The following ARHGEF37 variants were observed in gnomAD, a reference collection of about 807,000 sequenced individuals.
ARHGEF37 encodes the protein Rho guanine nucleotide exchange factor 37.
A neutral mutation model predicts 71.1 loss-of-function variants in ARHGEF37; 55 were observed. That is an observed-to-expected ratio of 0.77 (90% CI 0.62 to 0.97). The LOEUF (loss-of-function observed/expected upper bound fraction) is 0.97, where lower values mean the gene tolerates loss of function less well. ARHGEF37 is among the 50% of genes least tolerant of loss of function. The probability of loss-of-function intolerance (pLI) is 0.00; values close to 1 mark genes in which losing one functional copy is unlikely to be tolerated. For missense variants in ARHGEF37, 765 were observed against 836.8 expected, an observed-to-expected ratio of 0.91 and a Z score of 1.06; for synonymous variants, 327 against 350.6, an observed-to-expected ratio of 0.93 and a Z score of 0.75.
At chr5:149,577,365 A>C (rs1763038881), upstream of ARHGEF37, among the ~76,000 whole-genome samples, 1 of 152,198 alleles carries the variant, frequency 6.6e-6, no homozygotes, top group Admixed American at 6.5e-5. Flanking sequence ...CTGAGACTCT[A>C]AAAGAGGTAG....
At chr5:149,556,542 C>T (rs185341405) in intron 1 of ARHGEF37, among the ~76,000 whole-genome samples, 8 of 152,254 alleles carry the variant, frequency 5.3e-5, no homozygotes, top group Admixed American at 5.2e-4. Context: ...CATGTGCCAC[C>T]ACACCCAGCT....
chr5:149,623,207 G>C (rs1752592033), intron 9 of ARHGEF37, among the ~76,000 whole-genome samples: 1 of 152,170 alleles, frequency 6.6e-6, no homozygotes, highest in South Asian at 2.1e-4. Flanking sequence ...CATCTCCTGA[G>C]GGGGAGAAGT....
rs566539407 is a variant in ARHGEF37, at chr5:149,570,653, G to A, written c.-12+18530G>A. Reference sequence around the variant, plus strand: ...AATACTTTGGGAGGCAGAGGTGGGCGGATCACGAGGTCAGGAGTTCAAGAC... The same window carrying A: ...AATACTTTGGGAGGCAGAGGTGGGCAGATCACGAGGTCAGGAGTTCAAGAC... On this transcript the variant is annotated intron_variant, in intron 1 of 2. Transcript: ENST00000505810. Among the ~76,000 whole-genome samples the A allele has an allele frequency of 7.3e-5, 11 of 151,582 alleles. No individual in the cohort carries two copies. The South Asian group carries it at 1.3e-3, about 17-fold the overall frequency.
At chr5:149,573,103 T>C (rs1414249799) in intron 1 of ARHGEF37, among the ~76,000 whole-genome samples, 1 of 152,094 alleles carries the variant, frequency 6.6e-6, no homozygotes, top group Admixed American at 6.6e-5. Context: ...AACAACTTAC[T>C]CTCACAGGAA....
intron 2 of ARHGEF37, 151 bp from the exon 3 acceptor site, chr5:149,600,957 C>T (rs1352899126): frequency 5.5e-6 from 5 of 906,332 alleles, no homozygotes; most frequent in Non-Finnish European, 8.1e-6. Flanking sequence ...TAATTTATAA[C>T]GTTTCAAAAT....
chr5:149,587,404 T>C (rs1345976844), intron 1 of ARHGEF37, among the ~76,000 whole-genome samples: 1 of 152,210 alleles, frequency 6.6e-6, no homozygotes, highest in Non-Finnish European at 1.5e-5. Context: ...GCTACTATAA[T>C]TGAGAGTTTA....
intron 4 of ARHGEF37, among the ~76,000 whole-genome samples, chr5:149,616,194 G>A (rs965826714): frequency 3.9e-5 from 6 of 152,144 alleles, no homozygotes; most frequent in African/African-American, 1.2e-4. Context: ...GGCCAGCAGA[G>A]GAGGCTGAGA....
chr5:149,603,959 T>C (rs1763835415), intron 3 of ARHGEF37, among the ~76,000 whole-genome samples: 1 of 152,112 alleles, frequency 6.6e-6, no homozygotes, highest in South Asian at 2.1e-4. Context: ...ATTTAAAAAG[T>C]ACCTATAGAT....
At chr5:149,571,868 C>T (rs1056071317) in intron 1 of ARHGEF37, among the ~76,000 whole-genome samples, 1 of 140,402 alleles carries the variant, frequency 7.1e-6, no homozygotes, top group African/African-American at 2.7e-5. Flanking sequence ...GATCTCTCCA[C>T]TGCACTCAGT....
intron 1 of ARHGEF37, among the ~76,000 whole-genome samples, chr5:149,583,317 A>G (rs1039366751): frequency 6.6e-6 from 1 of 152,118 alleles, no homozygotes; most frequent in African/African-American, 2.4e-5. Context: ...TTTGTATTTT[A>G]GTAGAGATGG....
intron 1 of ARHGEF37, 74 bp downstream of exon 1, chr5:149,581,698 G>A (rs1206239677): frequency 6.6e-6 from 1 of 152,320 alleles, no homozygotes; most frequent in Non-Finnish European, 1.5e-5. Flanking sequence ...CAGCTGCTGG[G>A]AGGATCAGAA....
At chr5:149,560,203 C>T (rs1390934611) in intron 1 of ARHGEF37, among the ~76,000 whole-genome samples, 2 of 152,174 alleles carry the variant, frequency 1.3e-5, no homozygotes, top group Non-Finnish European at 2.9e-5. Context: ...ACAGCTTCTG[C>T]TTCCCAGGTT....
chr5:149,561,958 A>G (rs1026322535), intron 1 of ARHGEF37, among the ~76,000 whole-genome samples: 1 of 152,192 alleles, frequency 6.6e-6, no homozygotes, highest in African/African-American at 2.4e-5. Context: ...CTCGTGACTC[A>G]TTATTACTCA....
chr5:149,575,880 C>A (rs537394211), intron 1 of ARHGEF37, among the ~76,000 whole-genome samples: 1 of 148,908 alleles, frequency 6.7e-6, no homozygotes, highest in Non-Finnish European at 1.5e-5. Context: ...CCCCTGCCGT[C>A]CCCCCCCTCA....
At chr5:149,622,870 G>A (rs1752584864) in intron 9 of ARHGEF37, among the ~76,000 whole-genome samples, 1 of 152,176 alleles carries the variant, frequency 6.6e-6, no homozygotes, top group Non-Finnish European at 1.5e-5. Flanking sequence ...AATTGCTGTT[G>A]GGTCCCACCT....
chr5:149,611,427 T>G (rs541356764), intron 4 of ARHGEF37, among the ~76,000 whole-genome samples: 97 of 152,394 alleles, frequency 6.4e-4, no homozygotes, highest in African/African-American at 2.3e-3. Flanking sequence ...AGTTCAGTGC[T>G]GGCATCTAGC....
chr5:149,630,529 C>A lies in ARHGEF37; in HGVS notation c.1819-1453C>A, dbSNP rs115083592. 2.8e-3 allele frequency among the ~76,000 whole-genome samples: 421 copies of A among 152,250 alleles called. 2 individuals are homozygous for A. Among genetic ancestry groups the A allele is most frequent in the African/African-American group, 9.7e-3 (404 of 41,542 alleles). Reference sequence around the variant, plus strand: ...CTCTGCTCTAGTGCTTGTGCCACACCCACCGGGAAGGCTGTCAGGCCAGCA... The same window carrying A: ...CTCTGCTCTAGTGCTTGTGCCACACACACCGGGAAGGCTGTCAGGCCAGCA... On this transcript the variant is annotated intron_variant, in intron 12 of 12. Coordinates refer to ENST00000333677, the MANE Select transcript of ARHGEF37 (RefSeq NM_001001669.3).
At chr5:149,575,994 C>T (rs1423481122) in intron 1 of ARHGEF37, among the ~76,000 whole-genome samples, 3 of 152,072 alleles carry the variant, frequency 2.0e-5, no homozygotes, top group Non-Finnish European at 2.9e-5. Context: ...GCCTGTAATC[C>T]CAGCACTTTG....
intron 1 of ARHGEF37, among the ~76,000 whole-genome samples, chr5:149,589,740 TCC>T (rs1341560805): frequency 6.6e-6 from 1 of 152,040 alleles, no homozygotes; most frequent in Non-Finnish European, 1.5e-5. Flanking sequence ...CCTCAGGTGA[TCC>T]TCCCGACCTA....
Sources: allele counts gnomAD v4.1 joint callset (sites outside exome capture counted in the v4.1 genomes callset), GRCh38; gene constraint gnomAD v4.1.1; transcripts MANE v1.5; gene names NCBI Gene and HGNC (gene_info 2026-07-23, HGNC 2026-07-21).